Variants in ZZEF1 observed in about 807,000 individuals in gnomAD.
The protein encoded by ZZEF1 is zinc finger ZZ-type and EF-hand domain containing 1.
Under a neutral mutation model 342.8 loss-of-function variants are expected in ZZEF1, and 157 were observed. The ratio of observed to expected loss-of-function variants is 0.46; its 90% CI spans 0.40 to 0.52. ZZEF1 has a LOEUF of 0.52. Ranked by LOEUF, ZZEF1 falls within the 20% of genes least tolerant of loss-of-function variation. The pLI, the probability that ZZEF1 is intolerant of heterozygous loss-of-function variation, is 0.00. For missense variants in ZZEF1, 3,480 were observed against 3,725.6 expected, an observed-to-expected ratio of 0.93 and a Z score of 1.72; for synonymous variants, 1,505 against 1,429.1, an observed-to-expected ratio of 1.05 and a Z score of -1.20.
chr17:4,139,442 T>C (rs1328355816), intron 1 of ZZEF1, among the ~76,000 whole-genome samples: 1 of 152,274 alleles, frequency 6.6e-6, no homozygotes, highest in East Asian at 1.9e-4. Flanking sequence ...CTTGTCATTT[T>C]AGTTGCTACT....
At chr17:4,079,718 A>C (rs1292614003) in intron 18 of ZZEF1, among the ~76,000 whole-genome samples, 2 of 152,222 alleles carry the variant, frequency 1.3e-5, no homozygotes, top group Admixed American at 1.3e-4. Context: ...GGCACCCTAC[A>C]GGTGCTCTGA....
rs1450073130 is a variant in ZZEF1, at chr17:4,020,054, A to G, written c.7405-285T>C. Reference sequence around the variant, plus strand: ...AATGCTGACAGTAGATACTTACCACATCGTATTCACGGCTAGCGTCTCTAT... The same window carrying G: ...AATGCTGACAGTAGATACTTACCACGTCGTATTCACGGCTAGCGTCTCTAT... On this transcript the variant is annotated intron_variant, in intron 45 of 54. Transcript: ENST00000381638. 2.7e-5 allele frequency: 8 copies of G among 295,906 alleles called. No homozygotes were observed. The East Asian group carries it at 6.3e-4, about 23-fold the overall frequency. The allele number at this position is 295,906 out of a possible 1,614,324, so 18.3% of individuals were successfully genotyped here.
Position 4,064,411 on chromosome 17 carries a change from C to T in ZZEF1, c.4668G>A (p.Val1556=), listed in dbSNP as rs538903731. The part of the protein sequence containing the change: ...LVPTVKEKYP[V]LKDVMDFIKD... ...TAATGAAGTCCATGACGTCCTTCAG[C>T]ACAGGGTATTTCTCTTTCACTGTGG... The change falls in exon 29 of 55, where the codon GTG becomes GTA. Residue 1556 remains valine (V), a synonymous_variant. Coordinates refer to ENST00000381638, the MANE Select transcript of ZZEF1 (RefSeq NM_015113.4). 1 of 1,612,108 alleles carries T rather than the reference C, an allele frequency of 6.2e-7. No individual in the cohort carries two copies. Among genetic ancestry groups the T allele is most frequent in the South Asian group, 1.1e-5 (1 of 91,018 alleles).
intron 1 of ZZEF1, among the ~76,000 whole-genome samples, chr17:4,127,387 T>C (rs2058589282): frequency 1.3e-5 from 2 of 152,190 alleles, no homozygotes; most frequent in African/African-American, 4.8e-5. Context: ...TTTTTTAAAG[T>C]GTTATTTTGT....
intron 4 of ZZEF1, among the ~76,000 whole-genome samples, chr17:4,113,075 A>G (rs775290487): frequency 1.7e-4 from 26 of 152,258 alleles, no homozygotes; most frequent in Admixed American, 6.5e-5. Context: ...TGAACATTCT[A>G]ACAAAATCCC....
intron 2 of ZZEF1, among the ~76,000 whole-genome samples, chr17:4,118,305 C>A (rs924388053): frequency 6.6e-6 from 1 of 152,190 alleles, no homozygotes; most frequent in East Asian, 1.9e-4. Flanking sequence ...TCAGGTCACA[C>A]GGTAAATTGC....
intron 14 of ZZEF1, among the ~76,000 whole-genome samples, chr17:4,086,952 A>G (rs2057842997): frequency 6.6e-6 from 1 of 152,112 alleles, no homozygotes; most frequent in Non-Finnish European, 1.5e-5. Flanking sequence ...GTGTGATCTC[A>G]GCTCACTGCA....
Position 4,076,989 on chromosome 17 carries a change from T to C in ZZEF1, c.2990A>G (p.Tyr997Cys). 6.2e-7 allele frequency: 1 copy of C among 1,611,536 alleles called. No homozygotes were observed. ...CATGCTTGCCAGAAACTGGCCCACA[T>C]CTACCGAAACAAAGAAAATAATTAA... ...KDLAVDLIEK[Y>C]VGQFLASMRA... is the part of the protein sequence containing the mutation. The change falls in exon 20 of 55, where the codon TAT becomes TGT. Residue 997 changes from tyrosine to cysteine, a missense_variant and splice_region_variant. Transcript: ENST00000381638.
intron 1 of ZZEF1, among the ~76,000 whole-genome samples, chr17:4,125,657 A>C (rs771045177): frequency 3.3e-5 from 5 of 152,224 alleles, no homozygotes; most frequent in Non-Finnish European, 5.9e-5. Flanking sequence ...CTCTGACTAG[A>C]CCCAATCAAG....
At chr17:4,027,911 C>T (rs2056453853) in intron 42 of ZZEF1, among the ~76,000 whole-genome samples, 1 of 152,130 alleles carries the variant, frequency 6.6e-6, no homozygotes, top group Non-Finnish European at 1.5e-5. Flanking sequence ...AACTCCTATC[C>T]TCCAGTCATC....
intron 45 of ZZEF1, chr17:4,020,025 A>C: frequency 2.6e-6 from 1 of 382,700 alleles, no homozygotes; most frequent in Non-Finnish European, 4.6e-6. Context: ...TGTCAACAAA[A>C]TACAATGCTG....
Position 4,123,930 on chromosome 17 carries a change from A to T in ZZEF1, c.476T>A (p.Leu159Gln), listed in dbSNP as rs780717644. 6.2e-7 allele frequency: 1 copy of T among 1,614,010 alleles called. No individual in the cohort carries two copies. Among genetic ancestry groups the T allele is most frequent in the Non-Finnish European group, 8.5e-7 (1 of 1,179,980 alleles). Residue 159 changes from leucine to glutamine, a missense_variant, in exon 2 of 55, where the codon CTA (leucine) becomes CAA (glutamine). Physicochemically the swap from Leu to Gln is moderately radical, Grantham distance 113. This residue lies in a region of ZZEF1 where 416 missense variants were observed against 374.2 expected (regional missense o/e 1.11). Coordinates refer to ENST00000381638, the MANE Select transcript of ZZEF1 (RefSeq NM_015113.4). ...ACCTGGAACCAGAGAGCAGGCCTGT[A>T]GTTGTCTGATGATGTGGCTCAGCTC... ...QGELSHIIRQLQACSLVPGFT... is the reference protein window; with the variant it reads ...QGELSHIIRQQQACSLVPGFT...
Position 4,119,275 on chromosome 17 carries a change from G to A in ZZEF1, c.500-2109C>T, listed in dbSNP as rs115859441. On this transcript the variant is annotated intron_variant, in intron 2 of 54. Coordinates refer to ENST00000381638, the MANE Select transcript of ZZEF1 (RefSeq NM_015113.4). ...CCAATATTCATCCGTCTTCTGCACCGGCCAAATATGAGAGTTGAATGGGAA... is the reference window on the plus strand; with the variant it reads ...CCAATATTCATCCGTCTTCTGCACCAGCCAAATATGAGAGTTGAATGGGAA... Among the ~76,000 whole-genome samples, 1,296 of 152,232 alleles carry A rather than the reference G, an allele frequency of 8.5e-3. 16 individuals carry two copies. The highest frequency in any genetic ancestry group is 0.03 in the African/African-American group (1,236 of 41,546).
chr17:4,039,849 T>G lies in ZZEF1; in HGVS notation c.6306+2580A>C, dbSNP rs192047622. Among the ~76,000 whole-genome samples, 1,034 of 152,134 alleles carry G rather than the reference T, an allele frequency of 6.8e-3. 12 individuals carry two copies. The highest frequency in any genetic ancestry group is 0.023 in the African/African-American group (958 of 41,520). On this transcript the variant is annotated intron_variant, in intron 39 of 54. Transcript: ENST00000381638. ...TTAGTTGAGATGGGGTTTCACTGTG[T>G]TAGCCAGGATGGTCTCGATCTCCTG...
intron 2 of ZZEF1, among the ~76,000 whole-genome samples, chr17:4,120,581 C>T (rs1232133359): frequency 6.6e-6 from 1 of 152,132 alleles, no homozygotes; most frequent in Admixed American, 6.6e-5. Flanking sequence ...TTAGCTGACT[C>T]CACAGTAATA....
chr17:4,036,153 A>G (rs1204802061), intron 39 of ZZEF1, among the ~76,000 whole-genome samples: 1 of 151,946 alleles, frequency 6.6e-6, no homozygotes, highest in Admixed American at 6.6e-5. Context: ...GAGATGTGAG[A>G]CTGATCCAGT....
intron 18 of ZZEF1, among the ~76,000 whole-genome samples, chr17:4,081,102 G>A (rs1272216253): frequency 1.3e-5 from 2 of 152,090 alleles, no homozygotes; most frequent in African/African-American, 4.8e-5. Context: ...GCTGGGCGTG[G>A]TGGCGTGTGC....
At chr17:4,039,468 T>TCAAACAAACAAACAAA (rs113389421) in intron 39 of ZZEF1, among the ~76,000 whole-genome samples, 12 of 150,046 alleles carry the variant, frequency 8.0e-5, no homozygotes, top group African/African-American at 2.7e-4. Context: ...AGACACCATC[T>TCAAACAAACAAACAAA]CAAACAAACA....
At chr17:4,124,198 A>T (rs1031510368) in intron 1 of ZZEF1, 147 bp from the exon 2 acceptor site, 1 of 1,033,234 alleles carries the variant, frequency 9.7e-7, no homozygotes, top group Admixed American at 3.1e-5. Context: ...ACCAAAGATA[A>T]ATTTAGAACA....
Sources: gnomAD v4.1 joint callset for allele counts (sites outside exome capture counted in the v4.1 genomes callset) on GRCh38, gnomAD v4.1.1 for gene constraint, gnomAD v4.1.1 regional missense constraint, MANE v1.5 for transcripts, NCBI Gene and HGNC (gene_info 2026-07-23, HGNC 2026-07-21) for gene names.